Variants in SLC6A13 observed in about 807,000 individuals in gnomAD.
SLC6A13 encodes the protein solute carrier family 6 member 13.
SLC6A13 carries 69 observed loss-of-function variants against 72.9 expected under a neutral mutation model. That is an observed-to-expected ratio of 0.95 (90% CI 0.78 to 1.16). The LOEUF is 1.16. SLC6A13 is among the 50% of genes most tolerant of loss of function. The probability of loss-of-function intolerance (pLI) is 0.00; values close to 1 mark genes in which losing one functional copy is unlikely to be tolerated. For missense variants in SLC6A13, 735 were observed against 760.5 expected, an observed-to-expected ratio of 0.97 and a Z score of 0.39; for synonymous variants, 303 against 303.0, an observed-to-expected ratio of 1.00 and a Z score of 0.00.
chr12:255,387 G>A lies in SLC6A13; in HGVS notation c.202+4464C>T, dbSNP rs143858809. Among the ~76,000 whole-genome samples, 31 of 152,232 alleles carry A rather than the reference G, an allele frequency of 2.0e-4. No homozygotes were observed. In the East Asian group the frequency reaches 3.1e-3, roughly 15 times the overall value. On this transcript the variant is annotated intron_variant, in intron 2 of 14. Coordinates refer to ENST00000343164, the MANE Select transcript of SLC6A13 (RefSeq NM_016615.5). ...CTCAGTTCTCAACATACCAGCTAGA[G>A]AGATTATTTTAAAATGTAAGATGAC...
chr12:262,208 G>T (rs1410234889), intron 1 of SLC6A13, among the ~76,000 whole-genome samples: 2 of 152,186 alleles, frequency 1.3e-5, no homozygotes, highest in African/African-American at 2.4e-5. Context: ...CCTCATTAGA[G>T]CTGCTTCTCA....
In SLC6A13 at chr12:259,934, T is replaced by G; in HGVS notation, c.119A>C (p.Glu40Ala). ...LERGHWNNKM[E>A]FVLSVAGEII... ...CTCCCCAGCCACTGACAGCACAAAC[T>G]CCATCTTGTTGTTCCAGTGCCCCCG... The change falls in exon 2 of 15, where the codon GAG (glutamate) becomes GCG (alanine). Residue 40 changes from glutamate to alanine, a missense_variant. Coordinates refer to ENST00000343164, the MANE Select transcript of SLC6A13 (RefSeq NM_016615.5). 1.2e-6 allele frequency: 2 copies of G among 1,614,196 alleles called. No individual in the cohort carries two copies. The highest frequency in any genetic ancestry group is 1.7e-6 in the Non-Finnish European group (2 of 1,180,016).
At position 245,340 on chromosome 12, in the gene SLC6A13, A is replaced by G. The variant is rs539302135; in HGVS notation, c.203-1527T>C. Among the ~76,000 whole-genome samples, 4 of 152,344 alleles carry G rather than the reference A, an allele frequency of 2.6e-5. No individual in the cohort carries two copies. In the South Asian group the frequency reaches 8.3e-4, roughly 32 times the overall value. ...AATCTTAAAAGCAAGATATAAAAAG[A>G]GCAAGTAACTTCACTGATCCCAGAA... On this transcript the variant is annotated intron_variant, in intron 2 of 14. Transcript: ENST00000343164.
intron 7 of SLC6A13, among the ~76,000 whole-genome samples, chr12:231,594 C>T (rs1390207725): frequency 6.6e-6 from 1 of 152,168 alleles, no homozygotes; most frequent in Admixed American, 6.5e-5. Flanking sequence ...TTGAGCCATC[C>T]CCCTCCCCAC....
intron 14 of SLC6A13, 21 bp from the exon 15 acceptor site, chr12:221,091 G>A: frequency 6.4e-7 from 1 of 1,572,492 alleles, no homozygotes. Flanking sequence ...AGCAGAGGTG[G>A]CTGTCAGGTG....
At chr12:256,629 C>T (rs1431622941) in intron 2 of SLC6A13, 2 of 152,146 alleles carry the variant, frequency 1.3e-5, no homozygotes, top group African/African-American at 4.8e-5. Flanking sequence ...TTAGATCTAC[C>T]ACATGTTGAC....
In SLC6A13 at chr12:220,984, T is replaced by C. The variant is rs748186384; in HGVS notation, c.1773A>G (p.Ser591=). 34 of 1,612,910 alleles carry C rather than the reference T, an allele frequency of 2.1e-5. 1 individual carries two copies. Among genetic ancestry groups the C allele is most frequent in the Non-Finnish European group, 2.8e-5 (33 of 1,179,898 alleles). ...GPSAPATPRT[S]LLRLTELESH... is the part of the protein sequence containing the mutation. ...ACTCTAGCTCTGTGAGTCTGAGCAG[T>C]GAGGTCCTGGGGGTGGCGGGAGCCG... The change falls in exon 15 of 15, where the codon TCA becomes TCG. Residue 591 remains serine, a synonymous_variant. Transcript: ENST00000343164.
At chr12:232,112 T>A (rs1278853621) in intron 7 of SLC6A13, among the ~76,000 whole-genome samples, 1 of 152,242 alleles carries the variant, frequency 6.6e-6, no homozygotes, top group Non-Finnish European at 1.5e-5. Context: ...CTTAACAATG[T>A]CAGGGACAGA....
chr12:246,266 C>T (rs188120797), intron 2 of SLC6A13, among the ~76,000 whole-genome samples: 23 of 151,948 alleles, frequency 1.5e-4, no homozygotes, highest in African/African-American at 5.3e-4. Context: ...TGCAGTGAAC[C>T]GAGATCGCTC....
At position 223,160 on chromosome 12, in the gene SLC6A13, G is replaced by A. The variant is rs771936006; in HGVS notation, c.1386C>T (p.Phe462=). 34 of 1,613,444 alleles carry A rather than the reference G, an allele frequency of 2.1e-5. No individual in the cohort carries two copies. The highest frequency in any genetic ancestry group is 9.9e-5 in the South Asian group (9 of 91,052). Residue 462 remains phenylalanine (F), a synonymous_variant, in exon 12 of 15, where the codon TTC becomes TTT. Transcript: ENST00000343164. Reference sequence around the variant, plus strand: ...AAACCCAAGCCACACAGAGGGACTCGAAGATGGCCACGAACAGGAGGCACA... The same window carrying A: ...AAACCCAAGCCACACAGAGGGACTCAAAGATGGCCACGAACAGGAGGCACA... The part of the protein sequence containing the change: ...SGMCLLFVAI[F]ESLCVAWVYG...
intron 2 of SLC6A13, among the ~76,000 whole-genome samples, chr12:245,420 G>A (rs927309722): frequency 2.6e-5 from 4 of 152,176 alleles, no homozygotes; most frequent in African/African-American, 4.8e-5. Context: ...AGTGGCTCAC[G>A]TCTGTAATCC....
In SLC6A13 at chr12:237,909, G is replaced by T. The variant is rs1449789102; in HGVS notation, c.563+17C>A. ...TGAACACACGGCCCACAGTGGGTGG[G>T]GAAGGGTCTCACTTACTCCCAGAAC... On this transcript the variant is annotated intron_variant, in intron 5 of 14. Transcript: ENST00000343164. 4 of 1,590,622 alleles carry T rather than the reference G, an allele frequency of 2.5e-6. No homozygotes were observed. The African/African-American group carries it at 5.4e-5, about 21-fold the overall frequency.
intron 7 of SLC6A13, among the ~76,000 whole-genome samples, chr12:229,960 G>T (rs117526287): frequency 6.6e-6 from 1 of 152,206 alleles, no homozygotes; most frequent in East Asian, 1.9e-4. Flanking sequence ...AGGAAAATGC[G>T]GCAGGAGGCT....
intron 2 of SLC6A13, among the ~76,000 whole-genome samples, chr12:258,304 T>C (rs867554616): frequency 3.9e-5 from 6 of 152,284 alleles, no homozygotes; most frequent in South Asian, 2.1e-4. Flanking sequence ...CCAGACTCCA[T>C]GGGCCCAGGG....
intron 2 of SLC6A13, 152 bp downstream of exon 2, chr12:259,699 C>T (rs1942864067): frequency 1.3e-6 from 2 of 1,533,778 alleles, no homozygotes; most frequent in African/African-American, 1.4e-5. Flanking sequence ...AGGTCTTAGT[C>T]TCTTACAGAG....
Position 226,383 on chromosome 12 carries a change from C to T in SLC6A13, c.1060+7G>A, listed in dbSNP as rs1208104494. 1 of 1,613,640 alleles carries T rather than the reference C, an allele frequency of 6.2e-7. No homozygotes were observed. The highest frequency in any genetic ancestry group is 8.5e-7 in the Non-Finnish European group (1 of 1,179,730). ...CACTGCCTCCAGGCCTCCCCAGTAA[C>T]ACTCACCTGACTCGGCCACCTCAGA... On this transcript the variant is annotated splice_region_variant and intron_variant, in intron 9 of 14. Transcript: ENST00000343164.
chr12:243,293 G>T (rs1335368861), intron 3 of SLC6A13, among the ~76,000 whole-genome samples: 1 of 152,234 alleles, frequency 6.6e-6, no homozygotes, highest in Non-Finnish European at 1.5e-5. Context: ...GGGATTACAG[G>T]CATGGGCCAC....
chr12:242,660 G>A lies in SLC6A13; in HGVS notation c.432C>T (p.Phe144=). The A allele has an allele frequency of 6.2e-7, 1 of 1,613,564 alleles. No homozygotes were observed. Among genetic ancestry groups the A allele is most frequent in the Non-Finnish European group, 8.5e-7 (1 of 1,179,782 alleles). ...AWALFYLFSS[F]TIDLPWGGCY... is the part of the protein sequence containing the mutation. Reference sequence around the variant, plus strand: ...AGCCGCCCCAGGGCAGGTCGATGGTGAAGCTGCTGAAGAGGTAGAACAGGG... The same window carrying A: ...AGCCGCCCCAGGGCAGGTCGATGGTAAAGCTGCTGAAGAGGTAGAACAGGG... The change falls in exon 4 of 15, where the codon TTC becomes TTT. Residue 144 remains phenylalanine (F), a synonymous_variant. Coordinates refer to ENST00000343164, the MANE Select transcript of SLC6A13 (RefSeq NM_016615.5).
At chr12:233,198 C>T (rs890409957) in intron 7 of SLC6A13, among the ~76,000 whole-genome samples, 2 of 152,202 alleles carry the variant, frequency 1.3e-5, no homozygotes, top group Admixed American at 6.5e-5. Flanking sequence ...GTCTCTGCAC[C>T]CAGGAGGCAG....
Sources: gnomAD v4.1 joint callset for allele counts (sites outside exome capture counted in the v4.1 genomes callset) on GRCh38, gnomAD v4.1.1 for gene constraint, MANE v1.5 for transcripts, NCBI Gene and HGNC (gene_info 2026-07-23, HGNC 2026-07-21) for gene names.